KY: variants seen among roughly 807,000 people sequenced by gnomAD.
KY encodes kyphoscoliosis peptidase.
In KY, 43 loss-of-function variants were observed where a neutral mutation model predicts 76.1. That is an observed-to-expected ratio of 0.57 (90% CI 0.44 to 0.73). The LOEUF is 0.73. Among genes scored for constraint, KY ranks in the 30% least tolerant of loss-of-function variants. The pLI is 0.00. For missense variants in KY, 722 were observed against 828.9 expected, an observed-to-expected ratio of 0.87 and a Z score of 1.58; for synonymous variants, 277 against 326.2, an observed-to-expected ratio of 0.85 and a Z score of 1.63.
chr3:134,647,437 T>G lies in KY; in HGVS notation c.197A>C (p.His66Pro), dbSNP rs372643203. 1 of 1,607,446 alleles carries G rather than the reference T, an allele frequency of 6.2e-7. No homozygotes were observed. Among genetic ancestry groups the G allele is most frequent in the African/African-American group, 1.3e-5 (1 of 74,828 alleles). The change falls in exon 2 of 11, where the codon CAC becomes CCC. Residue 66 changes from histidine to proline, a missense_variant and splice_region_variant. By Grantham distance (77) the His-to-Pro change is moderately conservative. Coordinates refer to ENST00000423778, the MANE Select transcript of KY (RefSeq NM_178554.6). ...RWQKLEGNDF[H>P]ENLVEKQHPQ... ...TTGAAAGGAAAAAGAGAATTTACCG[T>G]GAAAGTCATTTCCTTCTAATTTCTG...
At position 134,639,789 on chromosome 3, in the gene KY, C is replaced by T. The variant is rs138091921; in HGVS notation, c.262+3527G>A. 848 of 146,334 alleles carry T rather than the reference C, an allele frequency of 5.8e-3. 12 individuals are homozygous for T. The highest frequency in any genetic ancestry group is 0.02 in the African/African-American group (794 of 39,648). The allele number at this position is 146,334 out of a possible 1,614,324, so 9.1% of individuals were successfully genotyped here. ...AGTGAGACCCCATCTCTACAAAAAA[C>T]GAAAAAAAAAAAACCAGCCATGTGG... On this transcript the variant is annotated intron_variant, in intron 3 of 10. Transcript: ENST00000423778.
intron 3 of KY, among the ~76,000 whole-genome samples, chr3:134,636,868 A>G (rs1965047326): frequency 6.6e-6 from 1 of 152,186 alleles, no homozygotes; most frequent in Non-Finnish European, 1.5e-5. Flanking sequence ...CTTTGCCTAT[A>G]CTTAGTTACC....
intron 8 of KY, among the ~76,000 whole-genome samples, chr3:134,612,535 C>A (rs1461288596): frequency 6.6e-6 from 1 of 151,992 alleles, no homozygotes; most frequent in African/African-American, 2.4e-5. Flanking sequence ...AAACAGCTAG[C>A]AGAGAAGGAC....
intron 3 of KY, among the ~76,000 whole-genome samples, chr3:134,639,102 G>A (rs559645616): frequency 3.6e-4 from 51 of 139,782 alleles, no homozygotes; most frequent in African/African-American, 1.4e-3. Context: ...GTAGCTTAGA[G>A]TCAGGAAAAC....
chr3:134,625,584 C>A (rs1331798537), intron 5 of KY, among the ~76,000 whole-genome samples: 7 of 152,230 alleles, frequency 4.6e-5, no homozygotes, highest in Non-Finnish European at 5.9e-5. Context: ...GAGGTCTGTG[C>A]CACAGCCACG....
chr3:134,608,737 C>G lies in KY; in HGVS notation c.1002G>C (p.Arg334Ser), dbSNP rs1455916912. Residue 334 changes from arginine to serine, a missense_variant, in exon 10 of 11, where the codon AGG becomes AGC. This residue lies in a region of KY where 552 missense variants were observed against 680.9 expected (regional missense o/e 0.81). Coordinates refer to ENST00000423778, the MANE Select transcript of KY (RefSeq NM_178554.6). ...TGTGATACATGTTGTTCTCAAACTGCCTCAGAGATTGAGGAGGTTTTAGCA... is the reference window on the plus strand; with the variant it reads ...TGTGATACATGTTGTTCTCAAACTGGCTCAGAGATTGAGGAGGTTTTAGCA... Reference protein sequence around the residue: ...WQLLKPPQSLRQFENNMYHKS... With the variant: ...WQLLKPPQSLSQFENNMYHKS... 6.2e-7 allele frequency: 1 copy of G among 1,614,060 alleles called. No homozygotes were observed. The highest frequency in any genetic ancestry group is 1.1e-5 in the South Asian group (1 of 91,080).
chr3:134,635,398 G>A (rs767362618), intron 3 of KY, among the ~76,000 whole-genome samples: 7 of 151,198 alleles, frequency 4.6e-5, no homozygotes, highest in Non-Finnish European at 8.8e-5. Flanking sequence ...TCGGGAGGCT[G>A]AGGCAGGAGA....
chr3:134,625,957 G>C (rs4572810), intron 5 of KY, among the ~76,000 whole-genome samples: 148,522 of 152,372 alleles, frequency 0.97, 72,500 homozygotes, highest in East Asian at 1. Context: ...GGACATAGGA[G>C]AGCCATAATC....
chr3:134,643,465 G>C (rs1966024517), intron 2 of KY, 87 bp from the exon 3 acceptor site: 6 of 1,195,348 alleles, frequency 5.0e-6, no homozygotes, highest in Non-Finnish European at 7.4e-6. Flanking sequence ...TTGCGGGAAA[G>C]GTGGGCTGGC....
intron 8 of KY, among the ~76,000 whole-genome samples, chr3:134,612,228 G>C (rs1033368613): frequency 6.6e-6 from 1 of 152,200 alleles, no homozygotes; most frequent in Non-Finnish European, 1.5e-5. Flanking sequence ...GCTTGGCTCT[G>C]TGGGATGGCT....
At chr3:134,641,735 C>A (rs1320689733) in intron 3 of KY, among the ~76,000 whole-genome samples, 1 of 152,118 alleles carries the variant, frequency 6.6e-6, no homozygotes, top group Non-Finnish European at 1.5e-5. Context: ...GACCCCATAC[C>A]CGCACACACC....
At position 134,603,497 on chromosome 3, in the gene KY, A is replaced by G; in HGVS notation, c.*82T>C. ...ATTTCATGCAGACTCAGTGGTGTCC[A>G]GGGCTCCCTGCACTTCCTTCGAGCC... On this transcript the variant is annotated 3_prime_UTR_variant, in exon 11 of 11. Coordinates refer to ENST00000423778, the MANE Select transcript of KY (RefSeq NM_178554.6). 7.8e-7 allele frequency: 1 copy of G among 1,286,054 alleles called. No individual in the cohort carries two copies. The highest frequency in any genetic ancestry group is 1.1e-6 in the Non-Finnish European group (1 of 929,728). The allele number at this position is 1,286,054 out of a possible 1,614,324, so 79.7% of individuals were successfully genotyped here.
intron 5 of KY, among the ~76,000 whole-genome samples, chr3:134,626,661 G>T (rs1963494762): frequency 6.6e-6 from 1 of 152,192 alleles, no homozygotes; most frequent in African/African-American, 2.4e-5. Flanking sequence ...AGGGGTGTGT[G>T]TCACCTCTAG....
chr3:134,629,151 G>A (rs1238959873), intron 4 of KY, among the ~76,000 whole-genome samples: 3 of 152,224 alleles, frequency 2.0e-5, no homozygotes, highest in Non-Finnish European at 4.4e-5. Context: ...ACAGGCTTCA[G>A]AGTCATACCT....
Position 134,650,823 on chromosome 3 carries a change from ACCT to A in KY, c.135_136+1del. On this transcript the variant is annotated splice_donor_variant and coding_sequence_variant, in exon 1 of 11. Transcript: ENST00000423778. LOFTEE classifies it high-confidence loss of function. Reference sequence around the variant, plus strand: ...CGGGGACCCGGGTCGGGCGCGCGTTACCTCCTCCGCGCTGCAGCAGCGAGCTCG... The same window carrying A: ...CGGGGACCCGGGTCGGGCGCGCGTTACCTCCGCGCTGCAGCAGCGAGCTCG... 1.3e-6 allele frequency: 2 copies of A among 1,581,590 alleles called. No individual in the cohort carries two copies. Among genetic ancestry groups the A allele is most frequent in the Non-Finnish European group, 1.7e-6 (2 of 1,161,912 alleles).
chr3:134,603,411 G>C lies in KY; in HGVS notation c.*168C>G. ...CAGCCACACCTGAGTGAAGCCTTCA[G>C]AACACAAAGATCACAGCTCCTGTGG... On this transcript the variant is annotated 3_prime_UTR_variant, in exon 11 of 11. Coordinates refer to ENST00000423778, the MANE Select transcript of KY (RefSeq NM_178554.6). 1.6e-6 allele frequency: 1 copy of C among 625,396 alleles called. No individual in the cohort carries two copies. The highest frequency in any genetic ancestry group is 2.7e-6 in the Non-Finnish European group (1 of 368,480). 38.7% of individuals were successfully genotyped at this position (625,396 alleles called of 1,614,324 possible). A position where few individuals can be genotyped will look rare whatever the true frequency, so the allele number is the denominator to read the frequency against.
intron 1 of KY, 21 bp from the exon 2 acceptor site, chr3:134,647,518 C>A: frequency 6.5e-7 from 1 of 1,543,434 alleles, no homozygotes; most frequent in Admixed American, 1.7e-5. Context: ...ACAAGCTTCT[C>A]TGAGGTGGGA....
In KY at chr3:134,627,828, T is replaced by C; in HGVS notation, c.338-10A>G. Reference sequence around the variant, plus strand: ...TTATCACCTTGTAAACCTACAATATTCCAAAGATCAGAAGTATAGATACTT... The same window carrying C: ...TTATCACCTTGTAAACCTACAATATCCCAAAGATCAGAAGTATAGATACTT... On this transcript the variant is annotated splice_polypyrimidine_tract_variant and intron_variant, in intron 4 of 10. Coordinates refer to ENST00000423778, the MANE Select transcript of KY (RefSeq NM_178554.6). The C allele has an allele frequency of 6.2e-7, 1 of 1,609,082 alleles. No homozygotes were observed. The highest frequency in any genetic ancestry group is 8.5e-7 in the Non-Finnish European group (1 of 1,175,446).
At position 134,620,948 on chromosome 3, in the gene KY, C is replaced by G. The variant is rs76472418; in HGVS notation, c.484-91G>C. 9.8e-4 allele frequency: 754 copies of G among 769,840 alleles called. 3 individuals are homozygous for G. In the African/African-American group the frequency reaches 0.011, roughly 11 times the overall value. 47.7% of individuals were successfully genotyped at this position (769,840 alleles called of 1,614,324 possible). On this transcript the variant is annotated intron_variant, in intron 6 of 10. Transcript: ENST00000423778. The stretch of plus-strand genomic sequence containing the variant: ...TGCACCTACAGCCAGTGCTGCTCTT[C>G]CTCCAGGCAGAGAAGCTGGAGGAGA...
Sources: allele counts gnomAD v4.1 joint callset (sites outside exome capture counted in the v4.1 genomes callset), GRCh38; gene constraint gnomAD v4.1.1; regional missense constraint gnomAD v4.1.1; transcripts MANE v1.5; gene names NCBI Gene and HGNC (gene_info 2026-07-23, HGNC 2026-07-21).